The following METTL6 variants were observed in gnomAD, a reference collection of about 807,000 sequenced individuals.
METTL6 encodes the protein methyltransferase 6, tRNA N3-cytidine, also known as tRNA N(3)-cytidine methyltransferase METTL6.
Under a neutral mutation model 26.4 loss-of-function variants are expected in METTL6, and 22 were observed. The observed-to-expected ratio is 0.83, with a 90% CI of 0.59 to 1.19. The LOEUF is 1.19. Ranked by LOEUF, METTL6 falls within the 50% of genes most tolerant of loss-of-function variation. The probability of loss-of-function intolerance (pLI) is 0.00; values close to 1 mark genes in which losing one functional copy is unlikely to be tolerated. For synonymous variants in METTL6, 109 were observed against 116.2 expected, an observed-to-expected ratio of 0.94 and a Z score of 0.40; for missense variants, 304 against 324.8, an observed-to-expected ratio of 0.94 and a Z score of 0.49.
intron 3 of METTL6, among the ~76,000 whole-genome samples, chr3:15,422,198 C>A (rs567281368): frequency 6.6e-6 from 1 of 151,986 alleles, no homozygotes; most frequent in South Asian, 2.1e-4. Flanking sequence ...TGGTGGTGTG[C>A]ATCTGTAACC....
intron 3 of METTL6, among the ~76,000 whole-genome samples, chr3:15,420,431 G>C (rs1401930626): frequency 6.6e-6 from 1 of 152,176 alleles, no homozygotes; most frequent in Non-Finnish European, 1.5e-5. Flanking sequence ...ACATTTTGTA[G>C]ATATCCTTTT....
downstream of METTL6, among the ~76,000 whole-genome samples, chr3:15,408,169 T>G (rs1699851675): frequency 6.6e-6 from 1 of 152,184 alleles, no homozygotes; most frequent in African/African-American, 2.4e-5. Context: ...CTCTCTGGTG[T>G]TAGACTTCAG....
exon 7 of METTL6, chr3:15,384,161 C>T: frequency 2.6e-6 from 1 of 386,370 alleles, no homozygotes; most frequent in Non-Finnish European, 4.9e-6. Flanking sequence ...TACAAAGAAT[C>T]CCAGGTTCCA....
At chr3:15,384,589 A>C (rs1699144373) in intron 6 of METTL6, 1 of 154,234 alleles carries the variant, frequency 6.5e-6, no homozygotes, top group African/African-American at 2.4e-5. Flanking sequence ...AGAAAAAAAA[A>C]TTAGTTGGGT....
Position 15,414,027 on chromosome 3 carries a change from T to C in METTL6, c.667A>G (p.Thr223Ala). The change falls in exon 5 of 6, where the codon ACT becomes GCT. Residue 223 changes from threonine (T) to alanine (A), a missense_variant. By Grantham distance (58) the Thr-to-Ala change is moderately conservative. Transcript: ENST00000383790. Reference protein sequence around the residue: ...RQDGTRSYFFTDDFLAQLFMD... With the variant: ...RQDGTRSYFFADDFLAQLFMD... Reference sequence around the variant, plus strand: ...TGGATTCCATTCATCTTACCATCAGTAAAAAAATATGATCTGGTCCCATCT... The same window carrying C: ...TGGATTCCATTCATCTTACCATCAGCAAAAAAATATGATCTGGTCCCATCT... The C allele has an allele frequency of 6.2e-7, 1 of 1,613,612 alleles. No homozygotes were observed. The highest frequency in any genetic ancestry group is 1.1e-5 in the South Asian group (1 of 90,990).
chr3:15,391,210 T>C (rs1384906030), intron 6 of METTL6, among the ~76,000 whole-genome samples: 1 of 152,214 alleles, frequency 6.6e-6, no homozygotes, highest in African/African-American at 2.4e-5. Context: ...AGCTGAAATC[T>C]TTTTATGAGC....
intron 3 of METTL6, among the ~76,000 whole-genome samples, chr3:15,420,088 C>T (rs565161643): frequency 6.6e-6 from 1 of 152,242 alleles, no homozygotes; most frequent in South Asian, 2.1e-4. Flanking sequence ...TCTCGATCTC[C>T]TGACCTCGTG....
rs1324994193 is a variant in METTL6, at chr3:15,414,013, C to A, written c.673+8G>T. The A allele has an allele frequency of 6.2e-7, 1 of 1,613,872 alleles. No homozygotes were observed. Among genetic ancestry groups the A allele is most frequent in the Non-Finnish European group, 8.5e-7 (1 of 1,179,936 alleles). On this transcript the variant is annotated splice_region_variant and intron_variant, in intron 5 of 5. Transcript: ENST00000383790. ...AAACATTTAAAGACTGGATTCCATTCATCTTACCATCAGTAAAAAAATATG... is the reference window on the plus strand; with the variant it reads ...AAACATTTAAAGACTGGATTCCATTAATCTTACCATCAGTAAAAAAATATG...
Position 15,414,549 on chromosome 3 carries a change from T to G in METTL6, c.532-387A>C, listed in dbSNP as rs554362259. 327 of 271,090 alleles carry G rather than the reference T, an allele frequency of 1.2e-3. 3 individuals carry two copies. Among genetic ancestry groups the G allele is most frequent in the Non-Finnish European group, 2.0e-3 (285 of 142,406 alleles). 16.8% of individuals were successfully genotyped at this position (271,090 alleles called of 1,614,324 possible). A position where few individuals can be genotyped will look rare whatever the true frequency, so the allele number is the denominator to read the frequency against. On this transcript the variant is annotated intron_variant, in intron 4 of 5. Coordinates refer to ENST00000383790, the MANE Select transcript of METTL6 (RefSeq NM_152396.4). ...TTTTGTATTTTAGTAGAGATGAGGT[T>G]TCACCATGTTGGCCAGGCTAGTCTC...
intron 5 of METTL6, 26 bp from the exon 6 acceptor site, chr3:15,411,463 C>T: frequency 6.2e-7 from 1 of 1,605,488 alleles, no homozygotes; most frequent in Non-Finnish European, 8.5e-7. Flanking sequence ...CAACAATGCT[C>T]AACAGTCTTC....
chr3:15,393,746 TGA>T (rs1380315929), intron 6 of METTL6, among the ~76,000 whole-genome samples: 1 of 152,202 alleles, frequency 6.6e-6, no homozygotes, highest in African/African-American at 2.4e-5. Flanking sequence ...CTGCATCTAT[TGA>T]GATAATCATG....
chr3:15,404,405 C>T (rs776080737), intron 6 of METTL6, among the ~76,000 whole-genome samples: 10 of 152,064 alleles, frequency 6.6e-5, no homozygotes, highest in Admixed American at 2.0e-4. Context: ...TACAGTGATG[C>T]GATCTAGGCT....
chr3:15,397,087 G>A (rs1337537637), intron 6 of METTL6, among the ~76,000 whole-genome samples: 2 of 152,214 alleles, frequency 1.3e-5, no homozygotes, highest in African/African-American at 4.8e-5. Context: ...CAGAAGTGGA[G>A]TCTACAGAGG....
intron 3 of METTL6, 75 bp downstream of exon 3, chr3:15,424,880 T>C: frequency 1.3e-6 from 2 of 1,596,586 alleles, no homozygotes; most frequent in South Asian, 1.1e-5. Context: ...ATTGGGCAAA[T>C]GAATAAAAAA....
chr3:15,407,186 A>G (rs1369363874), downstream of METTL6, among the ~76,000 whole-genome samples: 1 of 151,826 alleles, frequency 6.6e-6, no homozygotes, highest in Admixed American at 6.6e-5. Context: ...CGCCCAGCTA[A>G]TTTTTGTATT....
chr3:15,416,084 ATCAC>A, intron 3 of METTL6, 142 bp from the exon 4 acceptor site: 1 of 686,882 alleles, frequency 1.5e-6, no homozygotes, highest in Non-Finnish European at 2.4e-6. Flanking sequence ...TGATTAATAA[ATCAC>A]TCACTATAAA....
In METTL6 at chr3:15,414,856, A is replaced by T. The variant is rs755425062; in HGVS notation, c.532-694T>A. On this transcript the variant is annotated intron_variant, in intron 4 of 5. Transcript: ENST00000383790. ...AGAACTGCTTGAGCCCAGGAAGTTGAGGCTGCAGTGAGCCACGTCCATGCC... is the reference window on the plus strand; with the variant it reads ...AGAACTGCTTGAGCCCAGGAAGTTGTGGCTGCAGTGAGCCACGTCCATGCC... 27 of 612,030 alleles carry T rather than the reference A, an allele frequency of 4.4e-5. 1 individual carries two copies. The highest frequency in any genetic ancestry group is 3.9e-4 in the South Asian group (26 of 66,000). 37.9% of individuals were successfully genotyped at this position (612,030 alleles called of 1,614,324 possible). A position where few individuals can be genotyped will look rare whatever the true frequency, so the allele number is the denominator to read the frequency against.
downstream of METTL6, among the ~76,000 whole-genome samples, chr3:15,406,163 T>C (rs958619232): frequency 1.3e-5 from 2 of 152,078 alleles, no homozygotes; most frequent in Admixed American, 6.6e-5. Flanking sequence ...CAGTACTCAC[T>C]ACGTTTCCGG....
intron 6 of METTL6, chr3:15,399,544 T>TTGTGTGTGTGTGTG (rs34014434): frequency 2.9e-4 from 34 of 118,556 alleles, no homozygotes; most frequent in African/African-American, 1.0e-3. Context: ...CCAGGAGAAA[T>TTGTGTGTGTGTGTG]TGTGTGTGTG....
Sources: allele counts gnomAD v4.1 joint callset (sites outside exome capture counted in the v4.1 genomes callset), GRCh38; gene constraint gnomAD v4.1.1; transcripts MANE v1.5; gene names NCBI Gene and HGNC (gene_info 2026-07-23, HGNC 2026-07-21).